The following LARGE1 variants were observed in gnomAD, a reference collection of about 807,000 sequenced individuals.
LARGE1 encodes the protein xylosyl- and glucuronyltransferase LARGE1.
LARGE1 carries 43 observed loss-of-function variants against 87.6 expected under a neutral mutation model. The observed-to-expected ratio is 0.49, with a 90% CI of 0.38 to 0.63. The LOEUF (loss-of-function observed/expected upper bound fraction) is 0.63. Among genes scored for constraint, LARGE1 ranks in the 30% least tolerant of loss-of-function variants. LARGE1 has a pLI of 0.00. For synonymous variants in LARGE1, 434 were observed against 394.6 expected (o/e 1.10, Z -1.18); for missense variants, 802 against 1,000.2 (o/e 0.80, Z 2.67).
At chr22:33,696,629 T>C (rs2082261792) in intron 2 of LARGE1, among the ~76,000 whole-genome samples, 2 of 152,192 alleles carry the variant, frequency 1.3e-5, no homozygotes, top group Admixed American at 6.5e-5. Context: ...GTGTGAGAGA[T>C]ACAGCTGCAA....
chr22:33,452,572 G>C (rs7290283), intron 6 of LARGE1, among the ~76,000 whole-genome samples: 13 of 152,182 alleles, frequency 8.5e-5, no homozygotes, highest in African/African-American at 1.2e-4. Flanking sequence ...GGCAGGGCAA[G>C]TCTGCCTGGG....
intron 1 of LARGE1, among the ~76,000 whole-genome samples, chr22:33,855,278 G>A (rs2063725278): frequency 6.6e-6 from 1 of 152,180 alleles, no homozygotes. Context: ...AGCTTGCAGT[G>A]AGCGGAGATC....
At chr22:33,375,731 A>G (rs1406482168) in intron 9 of LARGE1, among the ~76,000 whole-genome samples, 3 of 152,056 alleles carry the variant, frequency 2.0e-5, no homozygotes, top group Non-Finnish European at 4.4e-5. Flanking sequence ...AGAAATTTTT[A>G]TTTTTATTTA....
At chr22:33,844,151 CCA>C (rs1369132020) in intron 1 of LARGE1, among the ~76,000 whole-genome samples, 1 of 151,774 alleles carries the variant, frequency 6.6e-6, no homozygotes, top group Admixed American at 6.6e-5. Context: ...ATTCTGTGTT[CCA>C]CAGTGTCCCT....
intron 4 of LARGE1, among the ~76,000 whole-genome samples, chr22:33,612,792 G>A (rs2079477317): frequency 6.6e-6 from 1 of 152,182 alleles, no homozygotes; most frequent in African/African-American, 2.4e-5. Context: ...AGGCTCAGCA[G>A]GCAGCAAATA....
chr22:33,895,267 G>A (rs2065109195), intron 1 of LARGE1, among the ~76,000 whole-genome samples: 2 of 152,196 alleles, frequency 1.3e-5, no homozygotes, highest in Admixed American at 1.3e-4. Flanking sequence ...ACTCACAGAG[G>A]ACAAGAGGAG....
At chr22:33,854,756 C>A (rs929097304) in intron 1 of LARGE1, among the ~76,000 whole-genome samples, 2 of 151,924 alleles carry the variant, frequency 1.3e-5, no homozygotes, top group African/African-American at 4.8e-5. Context: ...TTGGGAGATG[C>A]AGTTGTGATT....
At chr22:33,121,293 T>C in the LARGE1 span, among the ~76,000 whole-genome samples, 8 of 152,178 alleles carry the variant, frequency 5.3e-5, no homozygotes, top group African/African-American at 1.7e-4. Flanking sequence ...TGGTTTAGGA[T>C]TATTCTTGAG....
downstream of LARGE1, among the ~76,000 whole-genome samples, chr22:33,159,934 G>C (rs1462146497): frequency 7.5e-5 from 1 of 13,250 alleles, no homozygotes; most frequent in Non-Finnish European, 2.5e-4. Flanking sequence ...ACTATTAGTG[G>C]TAAAAAAAAA....
At chr22:33,107,370 C>G in the LARGE1 span, among the ~76,000 whole-genome samples, 1 of 152,054 alleles carries the variant, frequency 6.6e-6, no homozygotes, top group Non-Finnish European at 1.5e-5. Context: ...TTGGAAGCAG[C>G]CTGGGCAACA....
At position 33,626,275 on chromosome 22, in the gene LARGE1, C is replaced by A; in HGVS notation, c.460G>T (p.Val154Phe). The A allele has an allele frequency of 1.2e-6, 2 of 1,614,054 alleles. No individual in the cohort carries two copies. The highest frequency in any genetic ancestry group is 1.7e-6 in the Non-Finnish European group (2 of 1,179,978). Residue 154 changes from valine (V) to phenylalanine (F), a missense_variant, in exon 4 of 15, where the codon GTC becomes TTC. Val to Phe is a conservative substitution (Grantham distance 50). Around this residue, in one of 2 missense-constraint regions of LARGE1, gnomAD observed 625 missense variants for 841.9 expected, o/e 0.74. Transcript: ENST00000397394. ...CAGYNASRDV[V>F]TLVKSVLFHR... ...AACAGGACGGATTTGACCAGGGTGA[C>A]GACATCCCGGCTGGCATTGTATCCG...
At chr22:33,554,736 T>C (rs1263295392) in intron 6 of LARGE1, among the ~76,000 whole-genome samples, 1 of 152,220 alleles carries the variant, frequency 6.6e-6, no homozygotes, top group Non-Finnish European at 1.5e-5. Flanking sequence ...TCTTTTCAAA[T>C]CTTCTAAACT....
In LARGE1 at chr22:33,203,066, A is replaced by ACTCTCTCTCTCTCTCTCT. The variant is rs35446457; in HGVS notation, c.1731-36252_1731-36235dup. Among the ~76,000 whole-genome samples the ACTCTCTCTCTCTCTCTCT allele has an allele frequency of 1.0e-3, 139 of 139,478 alleles. 1 individual carries two copies. The highest frequency in any genetic ancestry group is 1.2e-3 in the Non-Finnish European group (76 of 64,156). The allele number at this position is 139,478 out of a possible 152,430, so 91.5% of individuals were successfully genotyped here. On this transcript the variant is annotated intron_variant, in intron 11 of 11. Transcript: ENST00000608642. ...TAGAACCTAGAAAAATAGAATCTAA[A>ACTCTCTCTCTCTCTCTCT]CTCTCTCTCTCTCTCTCTCTCTCTC...
chr22:33,825,454 G>C (rs11912761), intron 1 of LARGE1, among the ~76,000 whole-genome samples: 1 of 151,266 alleles, frequency 6.6e-6, no homozygotes, highest in South Asian at 2.1e-4. Flanking sequence ...ATAGTTCAGG[G>C]TGGCTGGGGA....
intron 11 of LARGE1, among the ~76,000 whole-genome samples, chr22:33,261,915 C>T (rs1927648055): frequency 6.6e-6 from 1 of 152,220 alleles, no homozygotes; most frequent in African/African-American, 2.4e-5. Flanking sequence ...ATCTCTGTTG[C>T]AGGAATGCTC....
intron 11 of LARGE1, among the ~76,000 whole-genome samples, chr22:33,168,085 G>T (rs553280710): frequency 6.6e-6 from 1 of 152,172 alleles, no homozygotes; most frequent in South Asian, 2.1e-4. Context: ...TTTCTGGCAC[G>T]CCTAGCTGTG....
At chr22:33,824,355 T>C (rs2062720974) in intron 1 of LARGE1, among the ~76,000 whole-genome samples, 1 of 152,190 alleles carries the variant, frequency 6.6e-6, no homozygotes, top group African/African-American at 2.4e-5. Flanking sequence ...GAAGCAAGCA[T>C]GCCTTCACAT....
chr22:33,851,762 C>G (rs1389445759), intron 1 of LARGE1, among the ~76,000 whole-genome samples: 1 of 152,180 alleles, frequency 6.6e-6, no homozygotes, highest in Non-Finnish European at 1.5e-5. Context: ...TGTAGTTTTG[C>G]TCTGAATTGG....
intron 6 of LARGE1, among the ~76,000 whole-genome samples, chr22:33,447,336 G>A (rs1033531576): frequency 2.0e-5 from 3 of 152,204 alleles, no homozygotes; most frequent in Non-Finnish European, 4.4e-5. Flanking sequence ...ATGGAGATGA[G>A]GGGAGAGGTA....
Sources: allele counts gnomAD v4.1 joint callset (sites outside exome capture counted in the v4.1 genomes callset), GRCh38; gene constraint gnomAD v4.1.1; regional missense constraint gnomAD v4.1.1; transcripts MANE v1.5; gene names NCBI Gene and HGNC (gene_info 2026-07-23, HGNC 2026-07-21).